PLA2G4C: variants seen among roughly 807,000 people sequenced by gnomAD.
PLA2G4C encodes the protein cytosolic phospholipase A2 gamma.
A neutral mutation model predicts 73.8 loss-of-function variants in PLA2G4C; 64 were observed. The observed-to-expected ratio is 0.87, with a 90% CI of 0.71 to 1.07. The LOEUF (loss-of-function observed/expected upper bound fraction) is 1.07, where lower values mean the gene tolerates loss of function less well. Ranked by LOEUF, PLA2G4C falls within the 50% of genes least tolerant of loss-of-function variation. The pLI, the probability that PLA2G4C is intolerant of heterozygous loss-of-function variation, is 0.00. For missense variants in PLA2G4C, 622 were observed against 665.4 expected, an observed-to-expected ratio of 0.93 and a Z score of 0.72; for synonymous variants, 254 against 252.1, an observed-to-expected ratio of 1.01 and a Z score of -0.07.
chr19:48,068,517 T>C (rs1351151149), intron 12 of PLA2G4C, among the ~76,000 whole-genome samples: 2 of 151,256 alleles, frequency 1.3e-5, no homozygotes, highest in African/African-American at 2.4e-5. Context: ...ACCACATCTT[T>C]ACAAAAATAA....
At chr19:48,099,512 A>G (rs1235238418) in intron 5 of PLA2G4C, among the ~76,000 whole-genome samples, 159 bp downstream of exon 5, 1 of 152,192 alleles carries the variant, frequency 6.6e-6, no homozygotes, top group African/African-American at 2.4e-5. Context: ...ATCCTGATAT[A>G]CTTTAGTTTT....
chr19:48,101,126 A>ATATATATTTTTTT (rs1491313107), intron 4 of PLA2G4C, among the ~76,000 whole-genome samples: 4 of 74,154 alleles, frequency 5.4e-5, no homozygotes, highest in African/African-American at 2.6e-4. Context: ...ATATATATAT[A>ATATATATTTTTTT]TTTTTTTTTT....
chr19:48,069,156 G>C (rs1175757832), intron 12 of PLA2G4C, among the ~76,000 whole-genome samples: 2 of 152,032 alleles, frequency 1.3e-5, no homozygotes, highest in African/African-American at 2.4e-5. Flanking sequence ...GGAAAGGTTG[G>C]CATACAGGGG....
At position 48,072,256 on chromosome 19, in the gene PLA2G4C, A is replaced by C. The variant is rs889095548; in HGVS notation, c.1006+2511T>G. ...GAGTGCAGTGGTGCATTCATAGCTC[A>C]CTGCAGCCTCCAACTCCTGGGCTTA... On this transcript the variant is annotated intron_variant, in intron 12 of 16. Coordinates refer to ENST00000599921, the MANE Select transcript of PLA2G4C (RefSeq NM_003706.3). This position sits in a 1 kb window ranked among gnomAD's most constrained non-coding sequence, Gnocchi z 4.4. The C allele has an allele frequency of 1.3e-5, 2 of 152,202 alleles. No homozygotes were observed. Among genetic ancestry groups the C allele is most frequent in the Admixed American group, 6.5e-5 (1 of 15,284 alleles). 9.4% of individuals were successfully genotyped at this position (152,202 alleles called of 1,614,324 possible). A position where few individuals can be genotyped will look rare whatever the true frequency, so the allele number is the denominator to read the frequency against.
intron 14 of PLA2G4C, among the ~76,000 whole-genome samples, chr19:48,061,161 G>A (rs764734691): frequency 5.4e-4 from 82 of 151,810 alleles, no homozygotes; most frequent in Admixed American, 9.9e-4. Context: ...GGTGGTGTGT[G>A]CCTGCAGTCC....
intron 10 of PLA2G4C, among the ~76,000 whole-genome samples, chr19:48,080,614 G>A (rs890943214): frequency 1.3e-5 from 2 of 151,880 alleles, no homozygotes; most frequent in Non-Finnish European, 2.9e-5. Flanking sequence ...TTCAAGACCA[G>A]CCTGGCCAAC....
intron 4 of PLA2G4C, among the ~76,000 whole-genome samples, chr19:48,101,169 G>T (rs2031902641): frequency 7.3e-6 from 1 of 136,954 alleles, no homozygotes. Context: ...CTGTTGCCCA[G>T]ACTAGAGTGC....
chr19:48,075,402 G>T (rs11564604), intron 11 of PLA2G4C, among the ~76,000 whole-genome samples: 5 of 151,712 alleles, frequency 3.3e-5, no homozygotes, highest in African/African-American at 1.2e-4. Context: ...GGCCAGGCTG[G>T]TCTCGAACTC....
In PLA2G4C at chr19:48,104,608, T is replaced by C. The variant is rs2032072998; in HGVS notation, c.237A>G (p.Ala79=). The change falls in exon 4 of 17, where the codon GCA becomes GCG. Residue 79 remains alanine, a synonymous_variant. Transcript: ENST00000599921. ...QGLLDAVTYL[A]GVSGSTWAIS... is the part of the protein sequence containing the mutation. ...CTTACCAAGTGGATCCAGAGACCCC[T>C]GCGAGGTACGTGACGGCATCCAACA... 4 of 1,614,104 alleles carry C rather than the reference T, an allele frequency of 2.5e-6. No homozygotes were observed. In the South Asian group the frequency reaches 4.4e-5, roughly 18 times the overall value.
chr19:48,095,343 C>A lies in PLA2G4C; in HGVS notation c.709+121G>T, dbSNP rs2031511452. The A allele has an allele frequency of 2.1e-5, 18 of 875,150 alleles. No homozygotes were observed. In the South Asian group the frequency reaches 2.6e-4, roughly 13 times the overall value. The allele number at this position is 875,150 out of a possible 1,614,324, so 54.2% of individuals were successfully genotyped here. On this transcript the variant is annotated intron_variant, in intron 7 of 16. Transcript: ENST00000599921. ...ACCATTCCTCTTTCTGGAAGCCTAC[C>A]AAGTCCTTTTCTTTCCCCCAAGAAA...
At chr19:48,051,570 C>CGAGA (rs71181636) in intron 16 of PLA2G4C, among the ~76,000 whole-genome samples, 6 of 150,316 alleles carry the variant, frequency 4.0e-5, no homozygotes, top group East Asian at 3.9e-4. Context: ...AGAGAGAGAT[C>CGAGA]GAGAGAGAGA....
chr19:48,110,626 GC>G lies in PLA2G4C; in HGVS notation c.-173del. 2.9e-6 allele frequency: 2 copies of G among 680,126 alleles called. No individual in the cohort carries two copies. The highest frequency in any genetic ancestry group is 2.8e-5 in the South Asian group (1 of 35,758). The allele number at this position is 680,126 out of a possible 1,614,324, so 42.1% of individuals were successfully genotyped here. A position where few individuals can be genotyped will look rare whatever the true frequency, so the allele number is the denominator to read the frequency against. On this transcript the variant is annotated 5_prime_UTR_variant, in exon 1 of 17. Coordinates refer to ENST00000599921, the MANE Select transcript of PLA2G4C (RefSeq NM_003706.3). Reference sequence around the variant, plus strand: ...GCCGGAATCTCCGCGGGTGAAGACTGCGGGGATCCTCGGTGCCAAAGCTTCT... The same window carrying G: ...GCCGGAATCTCCGCGGGTGAAGACTGGGGGATCCTCGGTGCCAAAGCTTCT...
rs769263874 is a variant in PLA2G4C at position 48,090,430 on chromosome 19, G to C, written c.710-13C>G. 28 of 1,603,922 alleles carry C rather than the reference G, an allele frequency of 1.7e-5. No individual in the cohort carries two copies. Among genetic ancestry groups the C allele is most frequent in the Non-Finnish European group, 2.3e-5 (27 of 1,170,786 alleles). ...CTTCCCCATAAACCTGCCAAGAAAA[G>C]AGCAATAAAATTCAAACATTCTCCA... On this transcript the variant is annotated splice_polypyrimidine_tract_variant and intron_variant, in intron 7 of 16. Transcript: ENST00000599921.
In PLA2G4C at chr19:48,053,043, T is replaced by A. The variant is rs1967785007; in HGVS notation, c.1534A>T (p.Arg512Trp). 1 of 1,613,592 alleles carries A rather than the reference T, an allele frequency of 6.2e-7. No homozygotes were observed. ...LLLALAKKNV[R>W]ENKKKILREL... ...CTAAGGATCTTCTTCTTGTTTTCCC[T>A]GACATTCTTCTTGGCTAATGCCAAG... is the stretch of plus-strand genomic sequence containing the variant. Residue 512 changes from arginine (R) to tryptophan (W), a missense_variant, in exon 16 of 17, where the codon AGG (arginine) becomes TGG (tryptophan). Coordinates refer to ENST00000599921, the MANE Select transcript of PLA2G4C (RefSeq NM_003706.3).
intron 16 of PLA2G4C, chr19:48,051,871 A>ATTTTTTT (rs751616521): frequency 8.4e-6 from 1 of 119,042 alleles, no homozygotes; most frequent in Non-Finnish European, 1.7e-5. Context: ...TTTCAGCTTA[A>ATTTTTTT]TTTTTTTTTT....
At chr19:48,087,789 C>A (rs1178361333) in intron 9 of PLA2G4C, among the ~76,000 whole-genome samples, 13 of 152,060 alleles carry the variant, frequency 8.5e-5, no homozygotes, top group African/African-American at 3.1e-4. Flanking sequence ...ACAAAATTAG[C>A]TGGGCATGGT....
chr19:48,088,409 A>G (rs2031106175), intron 9 of PLA2G4C, among the ~76,000 whole-genome samples: 1 of 152,186 alleles, frequency 6.6e-6, no homozygotes, highest in African/African-American at 2.4e-5. Context: ...ACATAAATTC[A>G]AGAATAATTA....
chr19:48,057,917 C>T (rs541127141), intron 14 of PLA2G4C, among the ~76,000 whole-genome samples: 2 of 151,974 alleles, frequency 1.3e-5, no homozygotes, highest in African/African-American at 4.8e-5. Flanking sequence ...CTCACTGCAG[C>T]CTCAAGCTCC....
At chr19:48,096,236 C>T (rs1348464310) in intron 6 of PLA2G4C, among the ~76,000 whole-genome samples, 2 of 152,130 alleles carry the variant, frequency 1.3e-5, no homozygotes, top group African/African-American at 4.8e-5. Flanking sequence ...ACGGAGTCAG[C>T]TGTATCTGCT....
Sources: gnomAD v4.1 joint callset for allele counts (sites outside exome capture counted in the v4.1 genomes callset) on GRCh38, gnomAD v4.1.1 for gene constraint, Gnocchi (gnomAD v3.1) non-coding constraint, MANE v1.5 for transcripts, NCBI Gene and HGNC (gene_info 2026-07-23, HGNC 2026-07-21) for gene names.